The following KCNQ4 variants were observed in gnomAD, a reference collection of about 807,000 sequenced individuals.
KCNQ4 encodes potassium voltage-gated channel subfamily Q member 4.
KCNQ4 carries 31 observed loss-of-function variants against 72.6 expected under a neutral mutation model. That is an observed-to-expected ratio of 0.43 (90% CI 0.32 to 0.58). The LOEUF is 0.58. KCNQ4 is among the 20% of genes least tolerant of loss of function. The probability of loss-of-function intolerance (pLI) is 0.08; values close to 1 mark genes in which losing one functional copy is unlikely to be tolerated. For missense variants in KCNQ4, 869 were observed against 962.6 expected (o/e 0.90, Z 1.29); for synonymous variants, 405 against 403.7 (o/e 1.00, Z -0.04).
intron 9 of KCNQ4, among the ~76,000 whole-genome samples, chr1:40,827,594 T>C (rs1018729933): frequency 3.3e-5 from 5 of 152,144 alleles, no homozygotes; most frequent in Non-Finnish European, 2.9e-5. Flanking sequence ...AGTCCTGGGT[T>C]TCCAAAGGTG....
chr1:40,804,483 G>A (rs1396899530), intron 1 of KCNQ4, among the ~76,000 whole-genome samples: 1 of 152,178 alleles, frequency 6.6e-6, no homozygotes, highest in Non-Finnish European at 1.5e-5. Context: ...GATATAGCCA[G>A]TATCTGGTCA....
intron 10 of KCNQ4, among the ~76,000 whole-genome samples, chr1:40,831,772 C>T (rs1475861905): frequency 4.6e-5 from 7 of 152,224 alleles, no homozygotes; most frequent in African/African-American, 1.7e-4. Context: ...CACAAATGTA[C>T]TTTGGAAGCG....
rs936975745 is a variant in KCNQ4 at position 40,784,548 on chromosome 1, G to A, written c.314+141G>A. The A allele has an allele frequency of 1.7e-5, 14 of 814,866 alleles. No individual in the cohort carries two copies. The highest frequency in any genetic ancestry group is 1.0e-4 in the East Asian group (4 of 38,140). The allele number at this position is 814,866 out of a possible 1,614,324, so 50.5% of individuals were successfully genotyped here. A position where few individuals can be genotyped will look rare whatever the true frequency, so the allele number is the denominator to read the frequency against. The stretch of plus-strand genomic sequence containing the variant: ...TCTCTCTCCCCCCAGGCCTAAGCCC[G>A]GTTTCTGATCCCCTCGCTGAGCCCG... On this transcript the variant is annotated intron_variant, in intron 1 of 13. Transcript: ENST00000347132. The surrounding 1 kb of genome is among the most constrained non-coding windows in gnomAD (Gnocchi z 4.1).
intron 1 of KCNQ4, among the ~76,000 whole-genome samples, chr1:40,785,821 G>A (rs1029991799): frequency 6.6e-6 from 1 of 152,082 alleles, no homozygotes; most frequent in Non-Finnish European, 1.5e-5. Context: ...AGGGGAGAAA[G>A]ATGCGGCACA....
In KCNQ4 at chr1:40,788,296, C is replaced by A. The variant is rs1647224515; in HGVS notation, c.314+3889C>A. Among the ~76,000 whole-genome samples the A allele has an allele frequency of 6.6e-6, 1 of 152,204 alleles. No homozygotes were observed. The highest frequency in any genetic ancestry group is 1.5e-5 in the Non-Finnish European group (1 of 68,040). ...TCACCTGGGAAATGAGTAGCAGATA[C>A]AGCGGACTCTGTGCAGAGACCTCAG... On this transcript the variant is annotated intron_variant, in intron 1 of 13. Coordinates refer to ENST00000347132, the MANE Select transcript of KCNQ4 (RefSeq NM_004700.4). The surrounding 1 kb of genome is among the most constrained non-coding windows in gnomAD (Gnocchi z 4.5).
chr1:40,833,172 A>T, intron 11 of KCNQ4, 59 bp downstream of exon 11: 1 of 1,286,346 alleles, frequency 7.8e-7, no homozygotes, highest in Non-Finnish European at 1.1e-6. Context: ...GCTGCTCCCC[A>T]TCTGGGCGGG....
intron 1 of KCNQ4, among the ~76,000 whole-genome samples, chr1:40,790,620 G>A (rs1647263729): frequency 6.6e-6 from 1 of 152,204 alleles, no homozygotes; most frequent in African/African-American, 2.4e-5. Context: ...AAGTGAGGCT[G>A]GGTGAGGGGA....
At chr1:40,796,403 A>G (rs1488215714) in intron 1 of KCNQ4, among the ~76,000 whole-genome samples, 2 of 152,124 alleles carry the variant, frequency 1.3e-5, no homozygotes, top group Non-Finnish European at 2.9e-5. Context: ...TTTCCTCTCA[A>G]TGACACTATG....
chr1:40,819,156 C>A, intron 4 of KCNQ4, among the ~76,000 whole-genome samples, 191 bp from the exon 5 acceptor site: 2 of 5,012 alleles, frequency 4.0e-4, no homozygotes, highest in African/African-American at 1.9e-3. Context: ...GAATGGGGGT[C>A]GGGGTAGGGG....
At chr1:40,833,671 G>A (rs1313888909) in intron 11 of KCNQ4, among the ~76,000 whole-genome samples, 2 of 151,800 alleles carry the variant, frequency 1.3e-5, no homozygotes, top group African/African-American at 4.8e-5. Context: ...TGATACACCT[G>A]CCCACAAGCC....
At chr1:40,836,152 T>G (rs1648800626) in intron 12 of KCNQ4, among the ~76,000 whole-genome samples, 1 of 152,188 alleles carries the variant, frequency 6.6e-6, no homozygotes, top group African/African-American at 2.4e-5. Context: ...TGCTTCAGAC[T>G]TCCACGCATG....
chr1:40,791,175 C>G (rs1647277758), intron 1 of KCNQ4, among the ~76,000 whole-genome samples: 1 of 152,156 alleles, frequency 6.6e-6, no homozygotes, highest in Admixed American at 6.5e-5. Context: ...TGTCCACCCC[C>G]ACTCCACCCC....
Position 40,822,407 on chromosome 1 carries a change from G to A in KCNQ4, c.1130+5G>A, listed in dbSNP as rs1297682949. Reference sequence around the variant, plus strand: ...CAGTATCCTCCCATCCTTCAGGTAGGTCCTGCTGGGGGTGGGGGTGGGTGG... The same window carrying A: ...CAGTATCCTCCCATCCTTCAGGTAGATCCTGCTGGGGGTGGGGGTGGGTGG... On this transcript the variant is annotated splice_donor_5th_base_variant and intron_variant, in intron 8 of 13. Coordinates refer to ENST00000347132, the MANE Select transcript of KCNQ4 (RefSeq NM_004700.4). The A allele has an allele frequency of 6.6e-7, 1 of 1,514,850 alleles. No individual in the cohort carries two copies. The highest frequency in any genetic ancestry group is 2.3e-5 in the East Asian group (1 of 43,834). 93.8% of individuals were successfully genotyped at this position (1,514,850 alleles called of 1,614,324 possible).
intron 13 of KCNQ4, among the ~76,000 whole-genome samples, chr1:40,838,086 C>T (rs1648860173): frequency 6.6e-6 from 1 of 152,054 alleles, no homozygotes; most frequent in Non-Finnish European, 1.5e-5. Flanking sequence ...CTGTAGCTCG[C>T]GGACTATCCC....
intron 1 of KCNQ4, among the ~76,000 whole-genome samples, chr1:40,800,400 G>A (rs1314937502): frequency 6.6e-6 from 1 of 152,206 alleles, no homozygotes; most frequent in Non-Finnish European, 1.5e-5. Flanking sequence ...GTGTCAGGAA[G>A]GATAGAGCAA....
chr1:40,814,014 T>TG (rs1648007739), intron 1 of KCNQ4, among the ~76,000 whole-genome samples: 1 of 147,520 alleles, frequency 6.8e-6, no homozygotes, highest in Non-Finnish European at 1.5e-5. Flanking sequence ...CCCAAAGTAC[T>TG]GGGATTACAG....
chr1:40,796,992 G>T (rs79945016), intron 1 of KCNQ4, among the ~76,000 whole-genome samples: 1 of 152,174 alleles, frequency 6.6e-6, no homozygotes, highest in African/African-American at 2.4e-5. Context: ...CTACCCTGGG[G>T]ACTCATTCCT....
At chr1:40,818,382 C>T (rs1199787936) in intron 3 of KCNQ4, 92 bp downstream of exon 3, 1 of 1,586,848 alleles carries the variant, frequency 6.3e-7, no homozygotes, top group Non-Finnish European at 8.6e-7. Flanking sequence ...CCTGGAGACC[C>T]GCACAGATTC....
chr1:40,797,204 G>A (rs925769897), intron 1 of KCNQ4, among the ~76,000 whole-genome samples: 3 of 152,348 alleles, frequency 2.0e-5, no homozygotes, highest in East Asian at 1.9e-4. Flanking sequence ...CAGGCAGCAC[G>A]GAGTCCAGTG....
Sources: allele counts gnomAD v4.1 joint callset (sites outside exome capture counted in the v4.1 genomes callset), GRCh38; gene constraint gnomAD v4.1.1; non-coding constraint Gnocchi (gnomAD v3.1); transcripts MANE v1.5; gene names NCBI Gene and HGNC (gene_info 2026-07-23, HGNC 2026-07-21).